DYSF: variants seen among roughly 807,000 people sequenced by gnomAD.
DYSF encodes the protein dysferlin.
Under a neutral mutation model 274.9 loss-of-function variants are expected in DYSF, and 212 were observed. The ratio of observed to expected loss-of-function variants is 0.77; its 90% CI spans 0.69 to 0.86. The LOEUF (loss-of-function observed/expected upper bound fraction) is 0.86. Ranked by LOEUF, DYSF falls within the 40% of genes least tolerant of loss-of-function variation. The pLI is 0.00. For missense variants in DYSF, 2,666 were observed against 2,783.2 expected (o/e 0.96, Z 0.95); for synonymous variants, 1,091 against 1,078.7 (o/e 1.01, Z -0.22).
At chr2:71,606,377 C>T (rs1290609403) in intron 36 of DYSF, among the ~76,000 whole-genome samples, 1 of 152,160 alleles carries the variant, frequency 6.6e-6, no homozygotes, top group Non-Finnish European at 1.5e-5. Flanking sequence ...GTGGCTTCCT[C>T]TGATTAGGCT....
intron 22 of DYSF, among the ~76,000 whole-genome samples, chr2:71,560,533 C>A (rs549519292): frequency 1.4e-5 from 2 of 143,326 alleles, no homozygotes; most frequent in Non-Finnish European, 3.1e-5. Context: ...GTGTGCAGTA[C>A]GTGACCTGAG....
At chr2:71,681,761 G>T (rs1204108099) in intron 54 of DYSF, among the ~76,000 whole-genome samples, 1 of 152,244 alleles carries the variant, frequency 6.6e-6, no homozygotes, top group Non-Finnish European at 1.5e-5. Flanking sequence ...GCTCAGGAAT[G>T]TGTTTGCTGG....
intron 45 of DYSF, among the ~76,000 whole-genome samples, chr2:71,661,728 C>A (rs1256726068): frequency 2.0e-5 from 3 of 152,162 alleles, no homozygotes; most frequent in Middle Eastern, 3.2e-3. Flanking sequence ...GCAGAAGACA[C>A]CTACTGTTCC....
In DYSF at chr2:71,519,651, C is replaced by T. The variant is rs2087019889; in HGVS notation, c.1003-527C>T. On this transcript the variant is annotated intron_variant, in intron 10 of 55. Coordinates refer to ENST00000410020, the MANE Select transcript of DYSF (RefSeq NM_001130987.2). ...CCTATTGTGTTGAATTTCCTTTCCTCTTTTTTTTTTGAGACGGATTTTTGC... is the reference window on the plus strand; with the variant it reads ...CCTATTGTGTTGAATTTCCTTTCCTTTTTTTTTTTTGAGACGGATTTTTGC... 4.7e-5 allele frequency among the ~76,000 whole-genome samples: 7 copies of T among 148,066 alleles called. No individual in the cohort carries two copies. In the South Asian group the frequency reaches 1.5e-3, roughly 32 times the overall value.
In DYSF at chr2:71,612,351, C is replaced by T. The variant is rs114389229; in HGVS notation, c.4222-290C>T. On this transcript the variant is annotated intron_variant, in intron 38 of 55. Coordinates refer to ENST00000410020, the MANE Select transcript of DYSF (RefSeq NM_001130987.2). The stretch of plus-strand genomic sequence containing the variant: ...GAGTCCCGGGCCAACTCCCCTCGCC[C>T]GCTCCCCAGCCAGTGAGGGAGCGCA... 4.3e-3 allele frequency among the ~76,000 whole-genome samples: 648 copies of T among 152,240 alleles called. 2 individuals carry two copies. Among genetic ancestry groups the T allele is most frequent in the African/African-American group, 0.015 (610 of 41,534 alleles).
intron 3 of DYSF, among the ~76,000 whole-genome samples, chr2:71,491,498 A>G (rs1191171939): frequency 6.6e-6 from 1 of 152,138 alleles, no homozygotes; most frequent in African/African-American, 2.4e-5. Context: ...TGTTGTACAG[A>G]TTATTTCCTC....
intron 48 of DYSF, among the ~76,000 whole-genome samples, chr2:71,667,763 T>G (rs2095042900): frequency 6.6e-6 from 1 of 152,146 alleles, no homozygotes; most frequent in African/African-American, 2.4e-5. Flanking sequence ...CCCTCACCCC[T>G]GTAGGCCTGG....
At chr2:71,591,756 T>G (rs2093272072) in intron 32 of DYSF, among the ~76,000 whole-genome samples, 2 of 152,140 alleles carry the variant, frequency 1.3e-5, no homozygotes, top group African/African-American at 2.4e-5. Context: ...ATCTGCCGGC[T>G]TCCTTGCTGG....
chr2:71,519,430 G>A (rs557065315), intron 10 of DYSF, among the ~76,000 whole-genome samples: 1 of 152,052 alleles, frequency 6.6e-6, no homozygotes, highest in African/African-American at 2.4e-5. Context: ...ACTGTTGTAG[G>A]TTCACAGCAA....
rs1286637684 is a variant in DYSF, at chr2:71,513,228, C to A, written c.461-12C>A. 1 of 1,551,572 alleles carries A rather than the reference C, an allele frequency of 6.4e-7. No homozygotes were observed. Among genetic ancestry groups the A allele is most frequent in the Non-Finnish European group, 8.7e-7 (1 of 1,146,872 alleles). On this transcript the variant is annotated splice_polypyrimidine_tract_variant and intron_variant, in intron 5 of 55. Coordinates refer to ENST00000410020, the MANE Select transcript of DYSF (RefSeq NM_001130987.2). ...CCTCCCCTCCCGGGGTTATGCCCTGCCCACAAGACAGGCGGGGGACAGAGC... is the reference window on the plus strand; with the variant it reads ...CCTCCCCTCCCGGGGTTATGCCCTGACCACAAGACAGGCGGGGGACAGAGC...
rs754564902 is a variant in DYSF, at chr2:71,598,731, G to T, written c.3742G>T (p.Asp1248Tyr). The T allele has an allele frequency of 6.2e-7, 1 of 1,612,716 alleles. No homozygotes were observed. Among genetic ancestry groups the T allele is most frequent in the South Asian group, 1.1e-5 (1 of 91,060 alleles). The change falls in exon 33 of 56, where the codon GAC becomes TAC. Residue 1248 changes from aspartate to tyrosine, a missense_variant. By Grantham distance (160) the Asp-to-Tyr change is radical. This residue lies in a region of DYSF where 1,460 missense variants were observed against 1,502.1 expected (regional missense o/e 0.97). Coordinates refer to ENST00000410020, the MANE Select transcript of DYSF (RefSeq NM_001130987.2). The part of the protein sequence containing the change: ...QPPSIVVELY[D>Y]HDTYGADEFM... The stretch of plus-strand genomic sequence containing the variant: ...GCCCAGCATTGTGGTGGAGCTGTAC[G>T]ACCATGACACTTATGTGAGTCTGCC...
intron 29 of DYSF, chr2:71,570,998 CTGGGAACA>C (rs1430397839): frequency 1.3e-4 from 67 of 529,762 alleles, no homozygotes; most frequent in East Asian, 8.0e-4. Context: ...ACAGATCACA[CTGGGAACA>C]CCCACAGATC....
chr2:71,523,045 C>G (rs2087471644), intron 12 of DYSF, among the ~76,000 whole-genome samples: 1 of 152,174 alleles, frequency 6.6e-6, no homozygotes, highest in Admixed American at 6.5e-5. Flanking sequence ...AAATAATAGG[C>G]ATTAAGGAGG....
Position 71,612,382 on chromosome 2 carries a change from G to A in DYSF, c.4222-259G>A, listed in dbSNP as rs146026636. Among the ~76,000 whole-genome samples, 190 of 152,272 alleles carry A rather than the reference G, an allele frequency of 1.2e-3. 7 individuals carry two copies. The East Asian group carries it at 0.029, about 24-fold the overall frequency. On this transcript the variant is annotated intron_variant, in intron 38 of 55. Transcript: ENST00000410020. The stretch of plus-strand genomic sequence containing the variant: ...CCAGCCAGTGAGGGAGCGCAGCCTC[G>A]TTTCCACTTCAGGCTGAACAGGATG...
At chr2:71,569,722 T>A (rs534531867) in intron 26 of DYSF, 98 bp from the exon 27 acceptor site, 2 of 1,004,420 alleles carry the variant, frequency 2.0e-6, no homozygotes, top group Non-Finnish European at 3.1e-6. Flanking sequence ...TTGGTTGGGG[T>A]GAGGCTGACA....
rs1156574487 is a variant in DYSF at position 71,503,326 on chromosome 2, G to C, written c.345+7G>C. The stretch of plus-strand genomic sequence containing the variant: ...CAAGAAGCAGCCCACAGGGGTAAGT[G>C]CCCATCAGCCTCTGCCAGGTTAAGG... On this transcript the variant is annotated splice_region_variant and intron_variant, in intron 4 of 55. Transcript: ENST00000410020. 6.2e-7 allele frequency: 1 copy of C among 1,614,002 alleles called. No individual in the cohort carries two copies. The highest frequency in any genetic ancestry group is 2.2e-5 in the East Asian group (1 of 44,880).
At chr2:71,516,449 T>G (rs146409690) in intron 9 of DYSF, among the ~76,000 whole-genome samples, 129 of 152,302 alleles carry the variant, frequency 8.5e-4, no homozygotes, top group African/African-American at 3.1e-3. Context: ...GTGGAGTAAC[T>G]CACAGTCAGG....
chr2:71,539,246 T>A lies in DYSF; in HGVS notation c.1576+7T>A, dbSNP rs200990459. ...CCTGGAGGAGAAATAGAAGGTATGT[T>A]CCCTCTTCGTTCTGCCCTTTGACCC... On this transcript the variant is annotated splice_region_variant and intron_variant, in intron 17 of 55. Transcript: ENST00000410020. The A allele has an allele frequency of 7.4e-6, 12 of 1,612,818 alleles. No homozygotes were observed. The highest frequency in any genetic ancestry group is 9.3e-6 in the Non-Finnish European group (11 of 1,178,980).
rs1447501012 is a variant in DYSF at position 71,551,598 on chromosome 2, C to T, written c.1693-9C>T. On this transcript the variant is annotated splice_polypyrimidine_tract_variant and intron_variant, in intron 18 of 55. Coordinates refer to ENST00000410020, the MANE Select transcript of DYSF (RefSeq NM_001130987.2). The stretch of plus-strand genomic sequence containing the variant: ...TCCCCTGCTCCTTGTGACCTGACCT[C>T]CCTGGCAGGGGGAAGGTGTGGCTTA... 5.6e-6 allele frequency: 9 copies of T among 1,599,226 alleles called. No individual in the cohort carries two copies. Among genetic ancestry groups the T allele is most frequent in the African/African-American group, 1.3e-5 (1 of 74,896 alleles).
Sources: gnomAD v4.1 joint callset for allele counts (sites outside exome capture counted in the v4.1 genomes callset) on GRCh38, gnomAD v4.1.1 for gene constraint, gnomAD v4.1.1 regional missense constraint, MANE v1.5 for transcripts, NCBI Gene and HGNC (gene_info 2026-07-23, HGNC 2026-07-21) for gene names.